TCF7L1: variants seen among roughly 807,000 people sequenced by gnomAD.
TCF7L1 encodes the protein transcription factor 7 like 1.
TCF7L1 carries 18 observed loss-of-function variants against 63.7 expected under a neutral mutation model. The ratio of observed to expected loss-of-function variants is 0.28; its 90% CI spans 0.20 to 0.42. The LOEUF is 0.42. Ranked by LOEUF, TCF7L1 falls within the 10% of genes least tolerant of loss-of-function variation. The probability of loss-of-function intolerance (pLI) is 1.00; values close to 1 mark genes in which losing one functional copy is unlikely to be tolerated. For synonymous variants in TCF7L1, 355 were observed against 340.9 expected (o/e 1.04, Z -0.46); for missense variants, 654 against 779.3 (o/e 0.84, Z 1.91).
At position 85,262,146 on chromosome 2, in the gene TCF7L1, A is replaced by G. The variant is rs186324413; in HGVS notation, c.442-21349A>G. On this transcript the variant is annotated intron_variant, in intron 3 of 11. Transcript: ENST00000282111. ...TGAATCTCTTCCGCATCATCTAATA[A>G]CAAGGTTCGTATACTCATTAAAACC... 6 of 546,838 alleles carry G rather than the reference A, an allele frequency of 1.1e-5. No homozygotes were observed. In the East Asian group the frequency reaches 3.0e-4, roughly 28 times the overall value. 33.9% of individuals were successfully genotyped at this position (546,838 alleles called of 1,614,324 possible).
At chr2:85,171,044 A>C (rs929763599) in intron 3 of TCF7L1, among the ~76,000 whole-genome samples, 3 of 152,208 alleles carry the variant, frequency 2.0e-5, no homozygotes, top group Non-Finnish European at 4.4e-5. Flanking sequence ...TAAAGAAAAA[A>C]AGGTTAATGA....
intron 3 of TCF7L1, among the ~76,000 whole-genome samples, chr2:85,227,685 C>G (rs60918184): frequency 0.025 from 3,841 of 152,018 alleles, 170 homozygotes; most frequent in African/African-American, 0.088. Flanking sequence ...TGGCTCATTT[C>G]CCATCCTCCT....
intron 3 of TCF7L1, among the ~76,000 whole-genome samples, chr2:85,241,444 T>TG (rs1680327129): frequency 1.6e-5 from 2 of 125,730 alleles, no homozygotes; most frequent in African/African-American, 5.6e-5. Flanking sequence ...TTTGTTTTTT[T>TG]TTTTTTTTTT....
chr2:85,305,603 G>A (rs967341081), intron 8 of TCF7L1, among the ~76,000 whole-genome samples, 200 bp downstream of exon 8: 1 of 152,112 alleles, frequency 6.6e-6, no homozygotes, highest in African/African-American at 2.4e-5. Flanking sequence ...CAGGGACATG[G>A]TGCATCTTCT....
intron 3 of TCF7L1, among the ~76,000 whole-genome samples, chr2:85,271,492 A>T (rs944034350): frequency 6.6e-6 from 1 of 152,234 alleles, no homozygotes; most frequent in Non-Finnish European, 1.5e-5. Context: ...CAGATAATTC[A>T]TATGGAATGC....
intron 3 of TCF7L1, among the ~76,000 whole-genome samples, chr2:85,188,501 A>T (rs1409246562): frequency 6.6e-6 from 1 of 152,236 alleles, no homozygotes. Flanking sequence ...TTTATGTCAC[A>T]TCAAGAATGG....
chr2:85,223,372 G>C (rs2104303614), intron 3 of TCF7L1, among the ~76,000 whole-genome samples: 1 of 152,290 alleles, frequency 6.6e-6, no homozygotes, highest in African/African-American at 2.4e-5. Context: ...CAAAATAAAA[G>C]GTTTTAAATA....
chr2:85,277,894 C>T (rs1459268085), intron 3 of TCF7L1, among the ~76,000 whole-genome samples: 4 of 152,166 alleles, frequency 2.6e-5, no homozygotes, highest in African/African-American at 9.7e-5. Flanking sequence ...GAGTCCTGTC[C>T]ACACTAAGCA....
chr2:85,163,488 G>A (rs565926045), intron 3 of TCF7L1, among the ~76,000 whole-genome samples: 9 of 152,290 alleles, frequency 5.9e-5, no homozygotes, highest in Non-Finnish European at 1.2e-4. Context: ...ACTCCGAACA[G>A]AATCTAATTT....
At position 85,229,357 on chromosome 2, in the gene TCF7L1, AGG is replaced by A. The variant is rs376388182; in HGVS notation, c.442-54137_442-54136del. On this transcript the variant is annotated intron_variant, in intron 3 of 11. Transcript: ENST00000282111. ...CGAGACTCCGTCTCAAAAAAAGAAA[AGG>A]AAGGAAGGAAGGAGATTGGAACCTT... Among the ~76,000 whole-genome samples the A allele has an allele frequency of 3.1e-3, 478 of 152,280 alleles. 4 individuals carry two copies. The highest frequency in any genetic ancestry group is 0.011 in the African/African-American group (461 of 41,562).
intron 3 of TCF7L1, among the ~76,000 whole-genome samples, chr2:85,270,828 T>G (rs1681134867): frequency 6.6e-6 from 1 of 152,122 alleles, no homozygotes; most frequent in Non-Finnish European, 1.5e-5. Context: ...TAGCTGGGAC[T>G]ACAAGCGTGC....
chr2:85,246,671 C>T (rs532230793), intron 3 of TCF7L1, among the ~76,000 whole-genome samples: 1 of 152,318 alleles, frequency 6.6e-6, no homozygotes, highest in Non-Finnish European at 1.5e-5. Context: ...CAAGTGTACT[C>T]ATGGATATTG....
rs1212810587 is a variant in TCF7L1, at chr2:85,306,374, T to C, written c.1149+9T>C. ...AGATCCTTGGAAGAAAGGTAAGACCTGCCCTCTCCCTCCAGGCCAGGGAGG... is the reference window on the plus strand; with the variant it reads ...AGATCCTTGGAAGAAAGGTAAGACCCGCCCTCTCCCTCCAGGCCAGGGAGG... On this transcript the variant is annotated intron_variant, in intron 9 of 11. Transcript: ENST00000282111. This position sits in a 1 kb window ranked among gnomAD's most constrained non-coding sequence, Gnocchi z 4.3. The C allele has an allele frequency of 5.0e-6, 8 of 1,613,664 alleles. No individual in the cohort carries two copies. Among genetic ancestry groups the C allele is most frequent in the Non-Finnish European group, 6.8e-6 (8 of 1,179,574 alleles).
chr2:85,277,622 C>T (rs376189816), intron 3 of TCF7L1, among the ~76,000 whole-genome samples: 51 of 152,160 alleles, frequency 3.4e-4, no homozygotes, highest in African/African-American at 9.4e-4. Flanking sequence ...CAAAAATGGG[C>T]GAGACCATGG....
intron 4 of TCF7L1, 104 bp downstream of exon 4, chr2:85,283,682 T>C: frequency 7.9e-7 from 1 of 1,265,748 alleles, no homozygotes; most frequent in Non-Finnish European, 1.1e-6. Context: ...TCCAACAGTG[T>C]TTCCTCAAAT....
intron 3 of TCF7L1, among the ~76,000 whole-genome samples, chr2:85,143,580 A>C (rs1252626948): frequency 6.6e-6 from 1 of 152,226 alleles, no homozygotes; most frequent in African/African-American, 2.4e-5. Flanking sequence ...AGACTTGTAG[A>C]GGTCAAGTAT....
At chr2:85,187,369 G>GAGAC (rs1678950600) in intron 3 of TCF7L1, 1 of 152,232 alleles carries the variant, frequency 6.6e-6, no homozygotes, top group Non-Finnish European at 1.5e-5. Flanking sequence ...GTTAAGGAAA[G>GAGAC]AGACTCTTCC....
chr2:85,234,886 T>G (rs72840181), intron 3 of TCF7L1, among the ~76,000 whole-genome samples: 6,323 of 151,996 alleles, frequency 0.042, 143 homozygotes, highest in African/African-American at 0.05. Flanking sequence ...CAGGAGAGGG[T>G]TGCTGGGGAT....
intron 3 of TCF7L1, among the ~76,000 whole-genome samples, chr2:85,161,363 G>C (rs984255959): frequency 8.5e-5 from 13 of 152,228 alleles, no homozygotes; most frequent in Non-Finnish European, 1.8e-4. Context: ...GCCCTAGCTA[G>C]AGGGGCATGG....
Sources: gnomAD v4.1 joint callset for allele counts (sites outside exome capture counted in the v4.1 genomes callset) on GRCh38, gnomAD v4.1.1 for gene constraint, Gnocchi (gnomAD v3.1) non-coding constraint, MANE v1.5 for transcripts, NCBI Gene and HGNC (gene_info 2026-07-23, HGNC 2026-07-21) for gene names.